SIPA1L2: variants seen among roughly 807,000 people sequenced by gnomAD.
SIPA1L2 encodes the protein signal-induced proliferation-associated 1-like protein 2.
Under a neutral mutation model 163.9 loss-of-function variants are expected in SIPA1L2, and 56 were observed. The ratio of observed to expected loss-of-function variants is 0.34; its 90% CI spans 0.28 to 0.43. The LOEUF (loss-of-function observed/expected upper bound fraction) is 0.43. SIPA1L2 is among the 20% of genes least tolerant of loss of function. The pLI, the probability that SIPA1L2 is intolerant of heterozygous loss-of-function variation, is 1.00. For synonymous variants in SIPA1L2, 877 were observed against 865.7 expected, an observed-to-expected ratio of 1.01 and a Z score of -0.23; for missense variants, 1,974 against 2,193.5, an observed-to-expected ratio of 0.90 and a Z score of 2.00.
At chr1:232,575,889 G>A (rs1473794072) in intron 1 of SIPA1L2, among the ~76,000 whole-genome samples, 1 of 152,176 alleles carries the variant, frequency 6.6e-6, no homozygotes, top group African/African-American at 2.4e-5. Context: ...GAAGAACCCT[G>A]AAGATACCAC....
At chr1:232,457,480 C>T (rs1663988613) in intron 10 of SIPA1L2, among the ~76,000 whole-genome samples, 1 of 152,076 alleles carries the variant, frequency 6.6e-6, no homozygotes, top group South Asian at 2.1e-4. Flanking sequence ...CACACATACA[C>T]ACAGAAACAC....
chr1:232,587,912 G>A (rs1036974487), intron 1 of SIPA1L2, among the ~76,000 whole-genome samples: 2 of 152,110 alleles, frequency 1.3e-5, no homozygotes, highest in Non-Finnish European at 2.9e-5. Context: ...CTTATCTGCC[G>A]CCATGTGAGA....
At chr1:232,563,955 T>TTTTTTTGTG (rs1558270699) in intron 2 of SIPA1L2, among the ~76,000 whole-genome samples, 1 of 116,768 alleles carries the variant, frequency 8.6e-6, no homozygotes, top group African/African-American at 4.0e-5. Context: ...TTTTTTTTTT[T>TTTTTTTGTG]CGTGTGTGTG....
intron 18 of SIPA1L2, among the ~76,000 whole-genome samples, chr1:232,422,601 A>G (rs1459583640): frequency 6.6e-6 from 1 of 152,128 alleles, no homozygotes; most frequent in Non-Finnish European, 1.5e-5. Context: ...TTTCCCTATG[A>G]ATGCTCTATG....
intron 2 of SIPA1L2, among the ~76,000 whole-genome samples, chr1:232,518,547 C>T (rs1667313047): frequency 6.6e-6 from 1 of 152,144 alleles, no homozygotes; most frequent in Non-Finnish European, 1.5e-5. Flanking sequence ...ACATACCAAG[C>T]GTCTTTCAAG....
At chr1:232,462,546 C>A in intron 9 of SIPA1L2, 1 of 375,134 alleles carries the variant, frequency 2.7e-6, no homozygotes, top group East Asian at 4.5e-5. Context: ...CAGCAAAATG[C>A]GGAAAGGGGA....
At chr1:232,591,006 G>A (rs766852553) in intron 1 of SIPA1L2, among the ~76,000 whole-genome samples, 16 of 152,212 alleles carry the variant, frequency 1.1e-4, no homozygotes, top group Non-Finnish European at 1.6e-4. Context: ...ACGGAAAGCC[G>A]GGTAAATCAG....
Position 232,481,384 on chromosome 1 carries a change from G to C in SIPA1L2, c.1982-1654C>G, listed in dbSNP as rs563136986. 3.9e-5 allele frequency among the ~76,000 whole-genome samples: 6 copies of C among 152,230 alleles called. No homozygotes were observed. The South Asian group carries it at 1.0e-3, about 26-fold the overall frequency. ...CACCCATCACAACACTGCTGTCAGG[G>C]TGGTTCAAATTCGGAAAGAGAAATG... On this transcript the variant is annotated intron_variant, in intron 6 of 22. Coordinates refer to ENST00000674635, the MANE Select transcript of SIPA1L2 (RefSeq NM_020808.5).
chr1:232,528,773 A>G (rs1667838950), intron 2 of SIPA1L2, among the ~76,000 whole-genome samples: 1 of 152,220 alleles, frequency 6.6e-6, no homozygotes, highest in Non-Finnish European at 1.5e-5. Context: ...CTGGCAGAGC[A>G]GACTGGACAT....
intron 4 of SIPA1L2, among the ~76,000 whole-genome samples, chr1:232,492,212 G>A (rs573159442): frequency 6.6e-6 from 1 of 152,086 alleles, no homozygotes; most frequent in Admixed American, 6.5e-5. Context: ...CTAGAAAAGG[G>A]CTCTGTGTTT....
At chr1:232,598,237 TA>T (rs10536551) in intron 1 of SIPA1L2, among the ~76,000 whole-genome samples, 47,483 of 98,232 alleles carry the variant, frequency 0.48, 7,938 homozygotes, top group East Asian at 0.69. Context: ...CCCTGTCTGT[TA>T]AAAAAAAAAA....
At chr1:232,559,544 T>C (rs776194257) in intron 2 of SIPA1L2, among the ~76,000 whole-genome samples, 3 of 152,158 alleles carry the variant, frequency 2.0e-5, no homozygotes, top group African/African-American at 4.8e-5. Flanking sequence ...AATAATGAAA[T>C]GTGCTTTAAT....
intron 7 of SIPA1L2, among the ~76,000 whole-genome samples, chr1:232,475,357 A>G (rs1371744859): frequency 1.3e-5 from 2 of 152,206 alleles, no homozygotes; most frequent in Admixed American, 1.3e-4. Flanking sequence ...TTCCTCTTTT[A>G]GGGAGATGGC....
chr1:232,467,529 T>G (rs1485032792), intron 8 of SIPA1L2, among the ~76,000 whole-genome samples: 6 of 152,196 alleles, frequency 3.9e-5, no homozygotes, highest in Non-Finnish European at 7.3e-5. Flanking sequence ...TTTGGACTTG[T>G]GATTAGTCTA....
intron 2 of SIPA1L2, among the ~76,000 whole-genome samples, chr1:232,524,411 C>T (rs367803917): frequency 1.3e-5 from 2 of 152,130 alleles, no homozygotes; most frequent in South Asian, 2.1e-4. Flanking sequence ...GGATGCATGT[C>T]CCACATGCTA....
chr1:232,545,015 C>A (rs1190643652), intron 2 of SIPA1L2, among the ~76,000 whole-genome samples: 1 of 152,108 alleles, frequency 6.6e-6, no homozygotes, highest in African/African-American at 2.4e-5. Context: ...CATTTTCATG[C>A]CTTTTCTTCC....
intron 3 of SIPA1L2, among the ~76,000 whole-genome samples, chr1:232,505,621 C>A (rs191893752): frequency 4.2e-4 from 64 of 152,288 alleles, no homozygotes; most frequent in Admixed American, 3.5e-3. Context: ...CCAGATACGG[C>A]ACCTCTGCAA....
chr1:232,612,604 C>A (rs1166630262), intron 1 of SIPA1L2, among the ~76,000 whole-genome samples: 1 of 152,144 alleles, frequency 6.6e-6, no homozygotes, highest in Admixed American at 6.5e-5. Context: ...CCCTGTAACC[C>A]CTTTGTTTTG....
intron 8 of SIPA1L2, among the ~76,000 whole-genome samples, chr1:232,469,009 C>T (rs1204826635): frequency 2.0e-5 from 3 of 152,164 alleles, no homozygotes; most frequent in East Asian, 3.9e-4. Context: ...CATTCTGCTG[C>T]GCTCATGGGG....
Sources: gnomAD v4.1 joint callset for allele counts (sites outside exome capture counted in the v4.1 genomes callset) on GRCh38, gnomAD v4.1.1 for gene constraint, MANE v1.5 for transcripts, NCBI Gene and HGNC (gene_info 2026-07-23, HGNC 2026-07-21) for gene names.